Variants in TRAPPC9 observed in about 807,000 individuals in gnomAD.
TRAPPC9 encodes trafficking protein particle complex subunit 9.
Under a neutral mutation model 124.0 loss-of-function variants are expected in TRAPPC9, and 83 were observed. The ratio of observed to expected loss-of-function variants is 0.67; its 90% CI spans 0.56 to 0.80. The LOEUF (loss-of-function observed/expected upper bound fraction) is 0.80. Among genes scored for constraint, TRAPPC9 ranks in the 30% least tolerant of loss-of-function variants. TRAPPC9 has a pLI of 0.00. For synonymous variants in TRAPPC9, 638 were observed against 617.5 expected, an observed-to-expected ratio of 1.03 and a Z score of -0.49; for missense variants, 1,302 against 1,508.3, an observed-to-expected ratio of 0.86 and a Z score of 2.27.
chr8:139,900,719 G>A (rs1830965057), intron 20 of TRAPPC9, among the ~76,000 whole-genome samples: 1 of 152,088 alleles, frequency 6.6e-6, no homozygotes, highest in Non-Finnish European at 1.5e-5. Context: ...CACCTTCCTT[G>A]TCATTTTCTG....
intron 21 of TRAPPC9, among the ~76,000 whole-genome samples, chr8:139,790,394 G>A (rs1022360962): frequency 6.6e-6 from 1 of 152,188 alleles, no homozygotes; most frequent in Non-Finnish European, 1.5e-5. Context: ...TTCAGCAAGA[G>A]GTGCCATGGT....
At position 140,088,236 on chromosome 8, in the gene TRAPPC9, C is replaced by T. The variant is rs1844328022; in HGVS notation, c.2557-64157G>A. ...TCCGTGATGGCAGGACTTTAAATGT[C>T]TTGTTCACAATTGTATTTCCAGTGT... On this transcript the variant is annotated intron_variant, in intron 17 of 22. Transcript: ENST00000438773. 3.3e-5 allele frequency among the ~76,000 whole-genome samples: 5 copies of T among 152,270 alleles called. No individual in the cohort carries two copies. The South Asian group carries it at 1.0e-3, about 32-fold the overall frequency.
intron 8 of TRAPPC9, among the ~76,000 whole-genome samples, chr8:140,369,058 C>T (rs953074575): frequency 6.6e-6 from 1 of 152,178 alleles, no homozygotes; most frequent in South Asian, 2.1e-4. Context: ...CAGTCATTTC[C>T]GCACAGACCG....
intron 17 of TRAPPC9, among the ~76,000 whole-genome samples, chr8:140,207,053 C>T (rs1478604776): frequency 6.6e-6 from 1 of 152,212 alleles, no homozygotes; most frequent in Non-Finnish European, 1.5e-5. Context: ...GATGAGACTG[C>T]ACCTGGAGAA....
intron 13 of TRAPPC9, 114 bp from the exon 14 acceptor site, chr8:140,284,135 G>C (rs1385169173): frequency 6.9e-7 from 1 of 1,440,716 alleles, no homozygotes; most frequent in Non-Finnish European, 9.6e-7. Flanking sequence ...GAGTTCCGAA[G>C]CTGCCCGGGG....
chr8:140,436,461 T>C (rs1221841071), intron 3 of TRAPPC9, among the ~76,000 whole-genome samples: 2 of 152,246 alleles, frequency 1.3e-5, no homozygotes, highest in African/African-American at 4.8e-5. Flanking sequence ...ATTTGACATG[T>C]TCACACATTT....
intron 21 of TRAPPC9, among the ~76,000 whole-genome samples, chr8:139,802,646 A>G (rs752410247): frequency 6.6e-6 from 1 of 152,250 alleles, no homozygotes; most frequent in Non-Finnish European, 1.5e-5. Flanking sequence ...CAGTAGTGCA[A>G]AGTTGAGTAA....
intron 15 of TRAPPC9, among the ~76,000 whole-genome samples, chr8:140,263,815 G>A (rs1588038727): frequency 6.6e-6 from 1 of 152,118 alleles, no homozygotes. Context: ...AAAATTGAGG[G>A]AGGCCTGACC....
chr8:139,757,286 G>C lies in TRAPPC9; in HGVS notation c.3056-25084C>G, dbSNP rs75085506. ...GACAGCAGGTTGCAGGAGGAGCCAG[G>C]GTTTGGGGATGAGGACAGCAGGTCG... On this transcript the variant is annotated intron_variant, in intron 21 of 22. Transcript: ENST00000438773. Among the ~76,000 whole-genome samples, 6 of 145,060 alleles carry C rather than the reference G, an allele frequency of 4.1e-5. No homozygotes were observed. In the East Asian group the frequency reaches 1.3e-3, roughly 31 times the overall value.
chr8:140,152,589 C>T (rs932969100), intron 17 of TRAPPC9, among the ~76,000 whole-genome samples: 3 of 151,444 alleles, frequency 2.0e-5, no homozygotes, highest in African/African-American at 2.4e-5. Context: ...AGGATGGTCT[C>T]GATCTCCTGA....
At chr8:140,199,649 T>G (rs1362903715) in intron 17 of TRAPPC9, among the ~76,000 whole-genome samples, 1 of 151,490 alleles carries the variant, frequency 6.6e-6, no homozygotes, top group Non-Finnish European at 1.5e-5. Flanking sequence ...AATAAATCAC[T>G]AAGCATCCCA....
intron 17 of TRAPPC9, among the ~76,000 whole-genome samples, chr8:140,120,052 CAT>C (rs1474691820): frequency 6.6e-6 from 1 of 152,216 alleles, no homozygotes; most frequent in Non-Finnish European, 1.5e-5. Context: ...GATAAACTGA[CAT>C]AGCACATCCT....
chr8:140,440,972 CTTTT>C (rs60379205), intron 2 of TRAPPC9, among the ~76,000 whole-genome samples: 21 of 80,290 alleles, frequency 2.6e-4, no homozygotes, highest in African/African-American at 9.5e-4. Context: ...AACACTGTTA[CTTTT>C]TTTTTTTTTT....
At chr8:140,036,597 A>C (rs1199887998) in intron 17 of TRAPPC9, among the ~76,000 whole-genome samples, 1 of 152,170 alleles carries the variant, frequency 6.6e-6, no homozygotes, top group Non-Finnish European at 1.5e-5. Context: ...AGGACACAGG[A>C]AGTTTGAGAT....
intron 9 of TRAPPC9, among the ~76,000 whole-genome samples, chr8:140,321,812 C>T (rs2066603984): frequency 1.3e-5 from 2 of 152,300 alleles, no homozygotes; most frequent in African/African-American, 2.4e-5. Context: ...GCTAGGAGGA[C>T]AGTCCCAGGC....
intron 21 of TRAPPC9, among the ~76,000 whole-genome samples, chr8:139,821,557 T>G (rs975747026): frequency 6.6e-6 from 1 of 152,246 alleles, no homozygotes; most frequent in African/African-American, 2.4e-5. Context: ...GAAAAGGTCC[T>G]ACCCCAGGGT....
At chr8:139,962,986 C>A (rs1835436079) in intron 19 of TRAPPC9, among the ~76,000 whole-genome samples, 1 of 152,164 alleles carries the variant, frequency 6.6e-6, no homozygotes, top group South Asian at 2.1e-4. Context: ...AGACCTCTGA[C>A]CCCCAGGAGT....
rs181530576 is a variant in TRAPPC9 at position 140,438,939 on chromosome 8, C to T, written c.730+113G>A. 4,215 of 1,371,884 alleles carry T rather than the reference C, an allele frequency of 3.1e-3. 17 individuals are homozygous for T. Among genetic ancestry groups the T allele is most frequent in the Non-Finnish European group, 3.9e-3 (3,768 of 965,616 alleles). The allele number at this position is 1,371,884 out of a possible 1,614,324, so 85.0% of individuals were successfully genotyped here. On this transcript the variant is annotated intron_variant, in intron 3 of 22. Coordinates refer to ENST00000438773, the MANE Select transcript of TRAPPC9 (RefSeq NM_001160372.4). ...TCTCTTGACCTCATATTTGGCCTGC[C>T]GTAGCCTCCCAAAGTGCTGGGATTA...
At chr8:139,774,073 G>A (rs1218092358) in intron 21 of TRAPPC9, among the ~76,000 whole-genome samples, 1 of 152,236 alleles carries the variant, frequency 6.6e-6, no homozygotes, top group Non-Finnish European at 1.5e-5. Context: ...TGAGAGCGCA[G>A]TGGGAGAGAG....
Sources: allele counts gnomAD v4.1 joint callset (sites outside exome capture counted in the v4.1 genomes callset), GRCh38; gene constraint gnomAD v4.1.1; transcripts MANE v1.5; gene names NCBI Gene and HGNC (gene_info 2026-07-23, HGNC 2026-07-21).